The following ZNF407 variants were observed in gnomAD, a reference collection of about 807,000 sequenced individuals.
ZNF407 encodes zinc finger protein 407.
In ZNF407, 17 loss-of-function variants were observed where a neutral mutation model predicts 131.2. The observed-to-expected ratio is 0.13, with a 90% CI of 0.09 to 0.19. The LOEUF (loss-of-function observed/expected upper bound fraction) is 0.19, where lower values mean the gene tolerates loss of function less well. ZNF407 is among the 10% of genes least tolerant of loss of function. The pLI is 1.00. For missense variants in ZNF407, 2,681 were observed against 2,830.6 expected, an observed-to-expected ratio of 0.95 and a Z score of 1.20; for synonymous variants, 1,156 against 1,062.0, an observed-to-expected ratio of 1.09 and a Z score of -1.72.
In ZNF407 at chr18:74,851,606, T is replaced by C. The variant is rs530811929; in HGVS notation, c.4878-25591T>C. ...CCAAGATTAATGAAACTCAGATGGG[T>C]TTTAATTAGTGCAGCTGCAGTCATC... On this transcript the variant is annotated intron_variant, in intron 4 of 8. Transcript: ENST00000299687. Among the ~76,000 whole-genome samples, 9 of 152,012 alleles carry C rather than the reference T, an allele frequency of 5.9e-5. No homozygotes were observed. In the East Asian group the frequency reaches 1.7e-3, roughly 29 times the overall value.
chr18:75,034,466 G>C (rs934853525), intron 8 of ZNF407, among the ~76,000 whole-genome samples: 2 of 151,842 alleles, frequency 1.3e-5, no homozygotes, highest in African/African-American at 4.8e-5. Context: ...ACCATGCCCG[G>C]CTAATTTTTG....
chr18:74,696,108 A>G (rs1486094301), intron 3 of ZNF407, among the ~76,000 whole-genome samples: 1 of 152,222 alleles, frequency 6.6e-6, no homozygotes. Flanking sequence ...ACTGCTGTTC[A>G]GAAACAATTG....
At chr18:74,638,609 G>C (rs746041802) in intron 2 of ZNF407, among the ~76,000 whole-genome samples, 1 of 152,130 alleles carries the variant, frequency 6.6e-6, no homozygotes, top group Non-Finnish European at 1.5e-5. Flanking sequence ...TAAAGTCTTT[G>C]AAATTCTTTC....
At chr18:74,807,732 A>G (rs1485965264) in intron 4 of ZNF407, among the ~76,000 whole-genome samples, 1 of 152,058 alleles carries the variant, frequency 6.6e-6, no homozygotes, top group East Asian at 1.9e-4. Context: ...CTGTCAGAAA[A>G]TTTGTTTTTC....
chr18:75,013,312 G>T (rs922123043), intron 8 of ZNF407, among the ~76,000 whole-genome samples: 3 of 152,082 alleles, frequency 2.0e-5, no homozygotes, highest in Admixed American at 6.6e-5. Context: ...TTCACAGCAG[G>T]AATTGTTGTA....
At chr18:74,991,675 G>A (rs926668834) in intron 8 of ZNF407, among the ~76,000 whole-genome samples, 3 of 152,060 alleles carry the variant, frequency 2.0e-5, no homozygotes, top group African/African-American at 7.2e-5. Flanking sequence ...TATGAAATAG[G>A]TTGAGTTCTA....
intron 4 of ZNF407, among the ~76,000 whole-genome samples, chr18:74,825,542 T>C (rs763253476): frequency 7.2e-5 from 11 of 152,204 alleles, no homozygotes; most frequent in Non-Finnish European, 1.2e-4. Flanking sequence ...TTGAAACTTA[T>C]TTAGATTGTT....
chr18:74,618,691 T>C (rs1983409926), intron 1 of ZNF407, among the ~76,000 whole-genome samples: 2 of 152,184 alleles, frequency 1.3e-5, no homozygotes, highest in Non-Finnish European at 2.9e-5. Flanking sequence ...CAAAGTAATA[T>C]ATTTTGGAAA....
rs576116182 is a variant in ZNF407, at chr18:74,664,233, G to A, written c.4802+23111G>A. On this transcript the variant is annotated intron_variant, in intron 3 of 8. Transcript: ENST00000299687. ...AGGACATTTTTTGGCTGGGCGTGGT[G>A]GCTCATGCCTATAATCAGCACTTCG... 2.8e-4 allele frequency among the ~76,000 whole-genome samples: 43 copies of A among 152,344 alleles called. No individual in the cohort carries two copies. The South Asian group carries it at 7.9e-3, about 28-fold the overall frequency.
Position 74,865,246 on chromosome 18 carries a change from G to A in ZNF407, c.4878-11951G>A, listed in dbSNP as rs946397277. 3.3e-5 allele frequency among the ~76,000 whole-genome samples: 5 copies of A among 152,172 alleles called. No individual in the cohort carries two copies. In the East Asian group the frequency reaches 7.7e-4, roughly 23 times the overall value. On this transcript the variant is annotated intron_variant, in intron 4 of 8. Transcript: ENST00000299687. ...TGTGTGTGTAATTTCTTGGACATCAGTTCATTTCCATCTGAAAAATGTTTT... is the reference window on the plus strand; with the variant it reads ...TGTGTGTGTAATTTCTTGGACATCAATTCATTTCCATCTGAAAAATGTTTT...
chr18:74,928,115 C>T (rs543909253), intron 8 of ZNF407, among the ~76,000 whole-genome samples: 1 of 152,192 alleles, frequency 6.6e-6, no homozygotes, highest in East Asian at 1.9e-4. Flanking sequence ...TGAGTTATAG[C>T]TTGGTTTATA....
At chr18:75,040,609 A>C (rs540223574) in intron 8 of ZNF407, among the ~76,000 whole-genome samples, 1 of 152,324 alleles carries the variant, frequency 6.6e-6, no homozygotes, top group Non-Finnish European at 1.5e-5. Context: ...TTCTGAGCTC[A>C]TTAATAACTT....
Position 75,064,496 on chromosome 18 carries a change from G to C in ZNF407, c.*28G>C. On this transcript the variant is annotated 3_prime_UTR_variant, in exon 9 of 9. Transcript: ENST00000299687. ...CGCGCGGCACCTTTACTCAGCACAG[G>C]GCAGGTGTGGGAAGGTCCAGCTTCG... 1 of 1,448,734 alleles carries C rather than the reference G, an allele frequency of 6.9e-7. No homozygotes were observed. The highest frequency in any genetic ancestry group is 9.1e-7 in the Non-Finnish European group (1 of 1,095,756). The allele number at this position is 1,448,734 out of a possible 1,614,324, so 89.7% of individuals were successfully genotyped here.
At chr18:74,810,995 A>G (rs1290128756) in intron 4 of ZNF407, among the ~76,000 whole-genome samples, 3 of 152,206 alleles carry the variant, frequency 2.0e-5, no homozygotes, top group Admixed American at 2.0e-4. Context: ...AAAACAAAAC[A>G]CCAAAAACAA....
chr18:74,872,937 T>C (rs564710712), intron 4 of ZNF407, among the ~76,000 whole-genome samples: 1 of 152,068 alleles, frequency 6.6e-6, no homozygotes, highest in Non-Finnish European at 1.5e-5. Context: ...ATATAAAAAA[T>C]TTAAATAACA....
intron 8 of ZNF407, among the ~76,000 whole-genome samples, chr18:75,059,328 TGAAG>T (rs980216504): frequency 3.0e-4 from 45 of 152,354 alleles, no homozygotes; most frequent in African/African-American, 1.0e-3. Flanking sequence ...CTGAGACTAC[TGAAG>T]AAGAGGATGT....
intron 3 of ZNF407, among the ~76,000 whole-genome samples, chr18:74,696,672 A>T (rs1967365148): frequency 6.6e-6 from 1 of 152,214 alleles, no homozygotes; most frequent in African/African-American, 2.4e-5. Flanking sequence ...AAATACACAT[A>T]CACATGAATG....
chr18:74,681,316 G>A lies in ZNF407; in HGVS notation c.4802+40194G>A, dbSNP rs548937704. Among the ~76,000 whole-genome samples the A allele has an allele frequency of 1.4e-3, 206 of 152,100 alleles. 1 individual carries two copies. Among genetic ancestry groups the A allele is most frequent in the African/African-American group, 4.6e-3 (191 of 41,486 alleles). On this transcript the variant is annotated intron_variant, in intron 3 of 8. Transcript: ENST00000299687. Reference sequence around the variant, plus strand: ...AGTGGTGTGATCATAGCTCACTGCAGCCTTGAACTCCTGCGCCTAAATGCT... The same window carrying A: ...AGTGGTGTGATCATAGCTCACTGCAACCTTGAACTCCTGCGCCTAAATGCT...
intron 3 of ZNF407, among the ~76,000 whole-genome samples, chr18:74,669,982 G>C (rs1568157155): frequency 6.6e-6 from 1 of 152,170 alleles, no homozygotes; most frequent in Non-Finnish European, 1.5e-5. Context: ...TTCTGTGAGA[G>C]AGCGATAGCT....
Sources: allele counts gnomAD v4.1 joint callset (sites outside exome capture counted in the v4.1 genomes callset), GRCh38; gene constraint gnomAD v4.1.1; transcripts MANE v1.5; gene names NCBI Gene and HGNC (gene_info 2026-07-23, HGNC 2026-07-21).